The following TRPM7 variants were observed in gnomAD, a reference collection of about 807,000 sequenced individuals.
The protein encoded by TRPM7 is transient receptor potential cation channel subfamily M member 7.
TRPM7 carries 134 observed loss-of-function variants against 229.7 expected under a neutral mutation model. That is an observed-to-expected ratio of 0.58 (90% CI 0.51 to 0.67). The LOEUF is 0.67. Ranked by LOEUF, TRPM7 falls within the 30% of genes least tolerant of loss-of-function variation. The probability of loss-of-function intolerance (pLI) is 0.00; values close to 1 mark genes in which losing one functional copy is unlikely to be tolerated. For missense variants in TRPM7, 1,901 were observed against 2,210.0 expected (o/e 0.86, Z 2.80); for synonymous variants, 699 against 715.2 (o/e 0.98, Z 0.36).
intron 3 of TRPM7, among the ~76,000 whole-genome samples, chr15:50,655,430 C>G (rs1239242819): frequency 7.4e-6 from 1 of 134,240 alleles, no homozygotes; most frequent in Non-Finnish European, 1.6e-5. Flanking sequence ...AAGACTCCAT[C>G]TCAAAGGAAA....
intron 27 of TRPM7, 112 bp downstream of exon 27, chr15:50,589,480 A>G (rs1008930302): frequency 9.9e-6 from 7 of 705,118 alleles, no homozygotes; most frequent in African/African-American, 7.5e-5. Flanking sequence ...CATGTTAATG[A>G]TATCTGCTAA....
chr15:50,683,039 T>C (rs1210158920), intron 1 of TRPM7, among the ~76,000 whole-genome samples: 3 of 151,974 alleles, frequency 2.0e-5, no homozygotes, highest in Admixed American at 6.6e-5. Flanking sequence ...CGCATCACCA[T>C]GCCCAGCTAA....
intron 13 of TRPM7, among the ~76,000 whole-genome samples, chr15:50,618,055 A>C (rs1042939627): frequency 7.9e-5 from 12 of 152,208 alleles, no homozygotes; most frequent in Non-Finnish European, 1.5e-4. Flanking sequence ...AACTTAGAAG[A>C]TATTTTAACC....
intron 1 of TRPM7, among the ~76,000 whole-genome samples, chr15:50,670,157 C>A (rs1172225794): frequency 6.6e-6 from 1 of 152,092 alleles, no homozygotes; most frequent in African/African-American, 2.4e-5. Flanking sequence ...AATATCATCA[C>A]CCCATTCAGC....
chr15:50,686,607 G>T lies in TRPM7; in HGVS notation c.-74C>A, dbSNP rs1446997451. 21 of 1,582,336 alleles carry T rather than the reference G, an allele frequency of 1.3e-5. No homozygotes were observed. The highest frequency in any genetic ancestry group is 3.4e-6 in the Non-Finnish European group (4 of 1,165,498). On this transcript the variant is annotated 5_prime_UTR_variant, in exon 1 of 39. Transcript: ENST00000646667. ...CCTCCGCGGCCTGTAGCCATCTATCGGGAAGCGTCTCCGGAGGCGGCAGCA... is the reference window on the plus strand; with the variant it reads ...CCTCCGCGGCCTGTAGCCATCTATCTGGAAGCGTCTCCGGAGGCGGCAGCA...
At chr15:50,660,529 C>T (rs1055419935) in intron 2 of TRPM7, among the ~76,000 whole-genome samples, 1 of 152,124 alleles carries the variant, frequency 6.6e-6, no homozygotes, top group African/African-American at 2.4e-5. Context: ...GTAGCGCATG[C>T]CTATAGTCCC....
chr15:50,627,343 A>T (rs941177786), intron 11 of TRPM7, among the ~76,000 whole-genome samples: 4 of 152,166 alleles, frequency 2.6e-5, no homozygotes, highest in African/African-American at 9.7e-5. Context: ...AGACAGAGGA[A>T]GTCCAAAGAG....
chr15:50,628,136 ATTATTTACATACCAGCC>A lies in TRPM7; in HGVS notation c.1301_1305+12del. 1 of 1,566,454 alleles carries A rather than the reference ATTATTTACATACCAGCC, an allele frequency of 6.4e-7. No homozygotes were observed. The highest frequency in any genetic ancestry group is 8.8e-7 in the Non-Finnish European group (1 of 1,139,768). ...TAATTTAATTGTATTGTGTATGTAGATTATTTACATACCAGCCACTGCTGTCCATAAACAAATACATG... is the reference window on the plus strand; with the variant it reads ...TAATTTAATTGTATTGTGTATGTAGAACTGCTGTCCATAAACAAATACATG... On this transcript the variant is annotated splice_donor_variant and splice_donor_5th_base_variant and coding_sequence_variant and intron_variant, in exon 11 of 39. Transcript: ENST00000646667. LOFTEE classifies it high-confidence loss of function.
At chr15:50,679,782 G>A (rs1255489402) in intron 1 of TRPM7, among the ~76,000 whole-genome samples, 4 of 150,894 alleles carry the variant, frequency 2.7e-5, no homozygotes, top group East Asian at 2.0e-4. Flanking sequence ...CAATCCTCCC[G>A]CCTCAGCCTC....
rs2059561134 is a variant in TRPM7 at position 50,593,658 on chromosome 15, A to C, written c.3567T>G (p.Phe1189Leu). ...GAATTCTCTCTTCACTCCCAGAATG[A>C]AATTTGTCATCTTTTTCATTGAAAT... is the stretch of plus-strand genomic sequence containing the variant. Reference protein sequence around the residue: ...EMYFNEKDDKFHSGSEERIRV... With the variant: ...EMYFNEKDDKLHSGSEERIRV... The change falls in exon 25 of 39, where the codon TTT becomes TTG. Residue 1189 changes from phenylalanine (F) to leucine (L), a missense_variant. Physicochemically the swap from Phe to Leu is conservative, Grantham distance 22. This residue lies in a region of TRPM7 where 533 missense variants were observed against 497.1 expected (regional missense o/e 1.07). Transcript: ENST00000646667. The C allele has an allele frequency of 6.2e-7, 1 of 1,612,184 alleles. No homozygotes were observed. The highest frequency in any genetic ancestry group is 1.7e-5 in the Admixed American group (1 of 59,836).
At chr15:50,581,778 T>C (rs1444585357) in intron 29 of TRPM7, among the ~76,000 whole-genome samples, 5 of 152,202 alleles carry the variant, frequency 3.3e-5, no homozygotes, top group African/African-American at 1.2e-4. Flanking sequence ...AAACCATTTC[T>C]AATCTCTTCA....
chr15:50,575,658 T>C (rs989354171), intron 33 of TRPM7, 66 bp downstream of exon 33: 13 of 1,370,316 alleles, frequency 9.5e-6, no homozygotes, highest in Non-Finnish European at 1.2e-5. Context: ...CCACATTCTA[T>C]ATTATAGCTA....
At chr15:50,580,759 A>T in intron 30 of TRPM7, 115 bp downstream of exon 30, 1 of 920,532 alleles carries the variant, frequency 1.1e-6, no homozygotes, top group Non-Finnish European at 1.6e-6. Flanking sequence ...ATGCTAGAAT[A>T]AATAATCATC....
At chr15:50,609,212 G>C (rs1457830394) in intron 19 of TRPM7, among the ~76,000 whole-genome samples, 1 of 152,038 alleles carries the variant, frequency 6.6e-6, no homozygotes, top group Non-Finnish European at 1.5e-5. Flanking sequence ...TTTATTTCTA[G>C]ACTTTTATGT....
At chr15:50,563,552 G>A (rs936791015) in intron 38 of TRPM7, among the ~76,000 whole-genome samples, 10 of 152,184 alleles carry the variant, frequency 6.6e-5, no homozygotes, top group African/African-American at 2.4e-4. Context: ...AGAATTTGAT[G>A]AATTGGCTAT....
In TRPM7 at chr15:50,580,867, T is replaced by TACTTACA. The variant is rs1354026312; in HGVS notation, c.4592_4592+6dup. Reference sequence around the variant, plus strand: ...CGCAAGCTAATGGTAAGAAAAAGCTTACTTACATTTCTCTGTTTGATGGTC... The same window carrying TACTTACA: ...CGCAAGCTAATGGTAAGAAAAAGCTTACTTACAACTTACATTTCTCTGTTTGATGGTC... On this transcript the variant is annotated splice_region_variant and intron_variant, in intron 30 of 38. Coordinates refer to ENST00000646667, the MANE Select transcript of TRPM7 (RefSeq NM_017672.6). 1 of 1,583,592 alleles carries TACTTACA rather than the reference T, an allele frequency of 6.3e-7. No homozygotes were observed. Among genetic ancestry groups the TACTTACA allele is most frequent in the Non-Finnish European group, 8.5e-7 (1 of 1,170,906 alleles).
At position 50,602,568 on chromosome 15, in the gene TRPM7, T is replaced by C. The variant is rs1057045624; in HGVS notation, c.2988+2298A>G. Among the ~76,000 whole-genome samples the C allele has an allele frequency of 1.5e-4, 23 of 152,342 alleles. 1 individual carries two copies. The highest frequency in any genetic ancestry group is 8.8e-5 in the Non-Finnish European group (6 of 68,036). On this transcript the variant is annotated intron_variant, in intron 21 of 38. Coordinates refer to ENST00000646667, the MANE Select transcript of TRPM7 (RefSeq NM_017672.6). ...TGACAGAATTGGTTACTAGCTCTTC[T>C]ATCTTCACGTAACAATTTATCATAT...
At chr15:50,589,112 A>G (rs1388702623) in intron 27 of TRPM7, among the ~76,000 whole-genome samples, 1 of 152,210 alleles carries the variant, frequency 6.6e-6, no homozygotes, top group East Asian at 1.9e-4. Flanking sequence ...GCTTGAGGTC[A>G]GGAATTTGAG....
At chr15:50,572,728 G>A (rs938976427) in intron 36 of TRPM7, among the ~76,000 whole-genome samples, 3 of 152,160 alleles carry the variant, frequency 2.0e-5, no homozygotes, top group African/African-American at 7.2e-5. Context: ...TTTTATAAAG[G>A]TATGAACTAC....
Sources: allele counts gnomAD v4.1 joint callset (sites outside exome capture counted in the v4.1 genomes callset), GRCh38; gene constraint gnomAD v4.1.1; regional missense constraint gnomAD v4.1.1; transcripts MANE v1.5; gene names NCBI Gene and HGNC (gene_info 2026-07-23, HGNC 2026-07-21).